The following PRICKLE1 variants were observed in gnomAD, a reference collection of about 807,000 sequenced individuals.
The protein encoded by PRICKLE1 is prickle planar cell polarity protein 1, also known as prickle-like protein 1.
PRICKLE1 carries 14 observed loss-of-function variants against 70.2 expected under a neutral mutation model. The observed-to-expected ratio is 0.20, with a 90% CI of 0.13 to 0.31. PRICKLE1 has a LOEUF of 0.31. PRICKLE1 is among the 10% of genes least tolerant of loss of function. The pLI is 1.00. For missense variants in PRICKLE1, 821 were observed against 1,026.2 expected (o/e 0.80, Z 2.73); for synonymous variants, 357 against 379.9 (o/e 0.94, Z 0.70).
At chr12:42,469,697 C>A in intron 3 of PRICKLE1, 110 bp from the exon 4 acceptor site, 2 of 1,373,428 alleles carry the variant, frequency 1.5e-6, no homozygotes, top group Non-Finnish European at 2.0e-6. Flanking sequence ...TTTAGCTCGC[C>A]TGTGTCACAC....
intron 1 of PRICKLE1, among the ~76,000 whole-genome samples, chr12:42,565,019 A>G (rs1329080780): frequency 6.6e-6 from 1 of 152,272 alleles, no homozygotes; most frequent in Non-Finnish European, 1.5e-5. Context: ...GTTTAAAAAC[A>G]TTATTCCTAA....
chr12:42,485,103 A>G (rs1364018330), intron 1 of PRICKLE1, among the ~76,000 whole-genome samples: 2 of 152,170 alleles, frequency 1.3e-5, no homozygotes, highest in Non-Finnish European at 2.9e-5. Context: ...GTGGTTCTAC[A>G]GTATACACGT....
chr12:42,496,373 C>G (rs1939201609), intron 1 of PRICKLE1, among the ~76,000 whole-genome samples: 1 of 152,086 alleles, frequency 6.6e-6, no homozygotes, highest in Non-Finnish European at 1.5e-5. Flanking sequence ...CATTTAAGAC[C>G]ACAGACAGAG....
chr12:42,491,091 T>C (rs1413998208), intron 1 of PRICKLE1, among the ~76,000 whole-genome samples: 1 of 147,424 alleles, frequency 6.8e-6, no homozygotes, highest in Non-Finnish European at 1.5e-5. Context: ...GCCAGGCTGG[T>C]CTCGAACTCC....
At chr12:42,519,355 C>A (rs190225537) in intron 1 of PRICKLE1, among the ~76,000 whole-genome samples, 3 of 151,972 alleles carry the variant, frequency 2.0e-5, no homozygotes, top group Admixed American at 2.0e-4. Flanking sequence ...TGCCACCATG[C>A]CCGGCTAATT....
In PRICKLE1 at chr12:42,532,002, AT is replaced by A. The variant is rs573969507; in HGVS notation, c.-49+57462del. Among the ~76,000 whole-genome samples, 12 of 152,262 alleles carry A rather than the reference AT, an allele frequency of 7.9e-5. No homozygotes were observed. The South Asian group carries it at 2.3e-3, about 29-fold the overall frequency. ...GGGTGACTTCATCTCTACCAAAAAAATAAATAAATAAATTAGCCGGGCATGG... is the reference window on the plus strand; with the variant it reads ...GGGTGACTTCATCTCTACCAAAAAAAAAATAAATAAATTAGCCGGGCATGG... On this transcript the variant is annotated intron_variant, in intron 1 of 7. Coordinates refer to ENST00000345127, the MANE Select transcript of PRICKLE1 (RefSeq NM_153026.3).
At chr12:42,469,763 G>C (rs1296621594) in intron 3 of PRICKLE1, 176 bp from the exon 4 acceptor site, 2 of 735,812 alleles carry the variant, frequency 2.7e-6, no homozygotes, top group African/African-American at 3.6e-5. Context: ...CTAGAAAAAG[G>C]GAAATGCAAT....
intron 1 of PRICKLE1, among the ~76,000 whole-genome samples, chr12:42,510,140 G>C (rs1047783913): frequency 2.0e-5 from 3 of 151,676 alleles, no homozygotes; most frequent in Non-Finnish European, 4.4e-5. Context: ...TGTCGCCCAG[G>C]CTGGAGTGCA....
At chr12:42,500,083 C>T (rs1364186279) in intron 1 of PRICKLE1, among the ~76,000 whole-genome samples, 1 of 152,108 alleles carries the variant, frequency 6.6e-6, no homozygotes, top group African/African-American at 2.4e-5. Flanking sequence ...CATATTATTT[C>T]AGCCAGAAAT....
intron 1 of PRICKLE1, among the ~76,000 whole-genome samples, chr12:42,509,821 T>C (rs1171324773): frequency 2.6e-5 from 4 of 151,990 alleles, no homozygotes; most frequent in African/African-American, 4.8e-5. Flanking sequence ...ACACCTGTAA[T>C]CCCAGCACTT....
intron 1 of PRICKLE1, among the ~76,000 whole-genome samples, chr12:42,515,076 G>A (rs141913496): frequency 4.3e-4 from 65 of 151,838 alleles, no homozygotes; most frequent in African/African-American, 1.5e-3. Flanking sequence ...AAGCCACCAC[G>A]CCTGACTAAC....
chr12:42,588,022 G>T (rs531607305), intron 1 of PRICKLE1, among the ~76,000 whole-genome samples: 1 of 152,088 alleles, frequency 6.6e-6, no homozygotes, highest in African/African-American at 2.4e-5. Flanking sequence ...CGGCTCCCAA[G>T]GGGCTAGAGT....
intron 1 of PRICKLE1, among the ~76,000 whole-genome samples, chr12:42,475,672 C>T (rs1251733250): frequency 6.6e-6 from 1 of 152,134 alleles, no homozygotes; most frequent in Non-Finnish European, 1.5e-5. Context: ...AATTCAATGG[C>T]CTCATGAGCA....
At chr12:42,481,780 T>C (rs1938803229) in intron 1 of PRICKLE1, among the ~76,000 whole-genome samples, 1 of 152,208 alleles carries the variant, frequency 6.6e-6, no homozygotes, top group African/African-American at 2.4e-5. Context: ...CATTTCCTTG[T>C]TTAGGATGTC....
At chr12:42,506,567 CT>C (rs139103281) in intron 1 of PRICKLE1, among the ~76,000 whole-genome samples, 335 of 64,562 alleles carry the variant, frequency 5.2e-3, no homozygotes, top group East Asian at 0.03. Context: ...CAATAGTGTT[CT>C]TTTTTTTTTT....
At chr12:42,562,370 C>T (rs1566127767) in intron 1 of PRICKLE1, among the ~76,000 whole-genome samples, 1 of 151,926 alleles carries the variant, frequency 6.6e-6, no homozygotes, top group Non-Finnish European at 1.5e-5. Flanking sequence ...AAACTCAATT[C>T]GAGGATGTAA....
chr12:42,533,236 T>A (rs1939954760), intron 1 of PRICKLE1, among the ~76,000 whole-genome samples: 1 of 151,884 alleles, frequency 6.6e-6, no homozygotes, highest in Non-Finnish European at 1.5e-5. Flanking sequence ...CTGTATTTTT[T>A]ACCCGTTTGA....
chr12:42,571,239 A>T (rs922424335), intron 1 of PRICKLE1, among the ~76,000 whole-genome samples: 2 of 152,218 alleles, frequency 1.3e-5, no homozygotes, highest in Non-Finnish European at 2.9e-5. Flanking sequence ...TTAATATTAT[A>T]AAAGAAAAAA....
intron 1 of PRICKLE1, among the ~76,000 whole-genome samples, chr12:42,494,070 A>G (rs925139227): frequency 6.6e-6 from 1 of 152,150 alleles, no homozygotes; most frequent in African/African-American, 2.4e-5. Context: ...ACAATGTCTA[A>G]AAAAACAATG....
Sources: allele counts gnomAD v4.1 joint callset (sites outside exome capture counted in the v4.1 genomes callset), GRCh38; gene constraint gnomAD v4.1.1; transcripts MANE v1.5; gene names NCBI Gene and HGNC (gene_info 2026-07-23, HGNC 2026-07-21).